The following GOLGB1 variants were observed in gnomAD, a reference collection of about 807,000 sequenced individuals.
GOLGB1 encodes the protein golgin subfamily B member 1.
In GOLGB1, 174 loss-of-function variants were observed where a neutral mutation model predicts 336.9. That is an observed-to-expected ratio of 0.52 (90% confidence interval 0.46 to 0.59). The LOEUF is 0.59. GOLGB1 is among the 20% of genes least tolerant of loss of function. The probability of loss-of-function intolerance (pLI) is 0.00; values close to 1 mark genes in which losing one functional copy is unlikely to be tolerated. For synonymous variants in GOLGB1, 1,208 were observed against 1,289.2 expected (o/e 0.94, Z 1.35); for missense variants, 3,331 against 3,645.3 (o/e 0.91, Z 2.22).
In GOLGB1 at chr3:121,690,998, A is replaced by G; in HGVS notation, c.8366T>C (p.Leu2789Pro). ...CATTGAAAAGGCGGTTTCAGAAAGAAGAGCATCTCTCTCTCTGTTTAAGAG... is the reference window on the plus strand; with the variant it reads ...CATTGAAAAGGCGGTTTCAGAAAGAGGAGCATCTCTCTCTCTGTTTAAGAG... ...QGLLNRERDA[L>P]LSETAFSMNS... is the part of the protein sequence containing the mutation. Residue 2789 changes from leucine (L) to proline (P), a missense_variant, in exon 14 of 22, where the codon CTT (leucine) becomes CCT (proline). Physicochemically the swap from Leu to Pro is moderately conservative, Grantham distance 98 (BLOSUM62 -3). Coordinates refer to ENST00000614479, the MANE Select transcript of GOLGB1 (RefSeq NM_001366282.2). 1 of 1,614,016 alleles carries G rather than the reference A, an allele frequency of 6.2e-7. No homozygotes were observed. The highest frequency in any genetic ancestry group is 8.5e-7 in the Non-Finnish European group (1 of 1,179,926).
chr3:121,686,290 C>T (rs1271095070), intron 14 of GOLGB1, among the ~76,000 whole-genome samples: 4 of 151,934 alleles, frequency 2.6e-5, no homozygotes, highest in African/African-American at 9.7e-5. Context: ...GTTTTCATTC[C>T]CTCTTTCTGA....
chr3:121,694,389 C>G lies in GOLGB1; in HGVS notation c.6134G>C (p.Arg2045Thr). ...AACAAATTCTAGAGCTTTAACAGTT[C>G]TCTCCAGAGCACTAATTTTCTCTTG... ...RYQEKISALE[R>T]TVKALEFVQT... The change falls in exon 13 of 22, where the codon AGA becomes ACA. Residue 2045 changes from arginine to threonine, a missense_variant. Transcript: ENST00000614479. 2 of 1,613,138 alleles carry G rather than the reference C, an allele frequency of 1.2e-6. No individual in the cohort carries two copies. The highest frequency in any genetic ancestry group is 1.7e-6 in the Non-Finnish European group (2 of 1,179,412).
chr3:121,748,355 G>A (rs567026937), intron 1 of GOLGB1, among the ~76,000 whole-genome samples: 1 of 152,250 alleles, frequency 6.6e-6, no homozygotes, highest in African/African-American at 2.4e-5. Flanking sequence ...CACAACATTT[G>A]GGGAGATGCA....
chr3:121,708,859 A>C (rs1404357546), intron 10 of GOLGB1, among the ~76,000 whole-genome samples: 5 of 152,188 alleles, frequency 3.3e-5, no homozygotes, highest in African/African-American at 1.2e-4. Flanking sequence ...AAAATGGTAG[A>C]CCTAAATCCA....
chr3:121,708,280 A>G (rs772309728), intron 10 of GOLGB1, among the ~76,000 whole-genome samples: 1 of 152,136 alleles, frequency 6.6e-6, no homozygotes, highest in Admixed American at 6.5e-5. Flanking sequence ...AGGACATGAA[A>G]AAACTTCTAG....
chr3:121,694,769 C>T lies in GOLGB1; in HGVS notation c.5754G>A (p.Glu1918=). 1 of 1,613,024 alleles carries T rather than the reference C, an allele frequency of 6.2e-7. No homozygotes were observed. The highest frequency in any genetic ancestry group is 2.2e-5 in the East Asian group (1 of 44,866). The change falls in exon 13 of 22, where the codon GAG becomes GAA. Residue 1918 remains glutamate, a synonymous_variant. Coordinates refer to ENST00000614479, the MANE Select transcript of GOLGB1 (RefSeq NM_001366282.2). ...AATCATCTTTCTCTTCTTCTGCTGT[C>T]TCCTTTAGTTTGGTAACTCTGGAGA... ...EELSRVTKLK[E]TAEEEKDDLE...
chr3:121,746,517 T>C (rs919878974), intron 1 of GOLGB1, among the ~76,000 whole-genome samples: 2 of 152,078 alleles, frequency 1.3e-5, no homozygotes, highest in African/African-American at 4.8e-5. Context: ...AGTTTCACTA[T>C]TGTCGCCCAG....
rs764058398 is a variant in GOLGB1 at position 121,693,177 on chromosome 3, T to C, written c.6782+564A>G. On this transcript the variant is annotated intron_variant, in intron 13 of 21. Transcript: ENST00000614479. ...GTGGTAAAAATCCAGGCAAGAGTAG[T>C]TGAAATGGAAATGAAAAGAAATACA... Among the ~76,000 whole-genome samples the C allele has an allele frequency of 8.6e-5, 13 of 151,948 alleles. 1 individual carries two copies. Among genetic ancestry groups the C allele is most frequent in the South Asian group, 4.2e-4 (2 of 4,814 alleles).
chr3:121,686,510 G>GA (rs1174359535), intron 14 of GOLGB1, among the ~76,000 whole-genome samples: 2 of 152,078 alleles, frequency 1.3e-5, no homozygotes, highest in African/African-American at 4.8e-5. Flanking sequence ...TCAGAATGAG[G>GA]AGAGTATAGA....
In GOLGB1 at chr3:121,730,976, G is replaced by A. The variant is rs772570501; in HGVS notation, c.-2-3C>T. 10 of 1,609,400 alleles carry A rather than the reference G, an allele frequency of 6.2e-6. No homozygotes were observed. The highest frequency in any genetic ancestry group is 3.4e-5 in the Admixed American group (2 of 58,894). On this transcript the variant is annotated splice_polypyrimidine_tract_variant and splice_region_variant and intron_variant, in intron 1 of 21. Transcript: ENST00000614479. ...TCCTGATAATCGGCTCAGCATTTCT[G>A]TAGGAAAAGAAGGGGGGAAAAAACC...
chr3:121,723,119 C>T (rs1447799311), intron 5 of GOLGB1, among the ~76,000 whole-genome samples: 4 of 152,104 alleles, frequency 2.6e-5, no homozygotes, highest in Non-Finnish European at 4.4e-5. Context: ...ATCAACTAGC[C>T]ACATGTGGAT....
rs1942517031 is a variant in GOLGB1 at position 121,692,376 on chromosome 3, T to C, written c.6988A>G (p.Ser2330Gly). 3 of 1,609,794 alleles carry C rather than the reference T, an allele frequency of 1.9e-6. No homozygotes were observed. The highest frequency in any genetic ancestry group is 2.5e-6 in the Non-Finnish European group (3 of 1,178,884). Residue 2330 changes from serine to glycine, a missense_variant, in exon 14 of 22, where the codon AGT (serine) becomes GGT (glycine). By Grantham distance (56) the Ser-to-Gly change is moderately conservative (BLOSUM62 0). Transcript: ENST00000614479. ...KSLKDQLTDL[S>G]NSLEKCKEQK... The stretch of plus-strand genomic sequence containing the variant: ...TCCTTACATTTTTCTAAAGAGTTAC[T>C]TAAATCAGTCAACTGGTCTTTGAGA...
chr3:121,677,065 T>A, intron 16 of GOLGB1, 35 bp from the exon 17 acceptor site: 1 of 1,612,994 alleles, frequency 6.2e-7, no homozygotes, highest in South Asian at 1.1e-5. Context: ...GATTCTCTCC[T>A]AAGATTGCGC....
chr3:121,730,172 A>G (rs551080846), intron 2 of GOLGB1, 155 bp from the exon 3 acceptor site: 2 of 552,798 alleles, frequency 3.6e-6, no homozygotes, highest in Admixed American at 6.7e-5. Context: ...TATCATAGCC[A>G]TTACAATATA....
chr3:121,722,022 T>C (rs1184931780), intron 6 of GOLGB1, among the ~76,000 whole-genome samples: 6 of 152,214 alleles, frequency 3.9e-5, no homozygotes, highest in Non-Finnish European at 7.3e-5. Context: ...AATTAGGCTA[T>C]AGAAAATTCA....
intron 1 of GOLGB1, among the ~76,000 whole-genome samples, chr3:121,733,642 G>A (rs1351122845): frequency 7.9e-5 from 12 of 152,082 alleles, no homozygotes; most frequent in Admixed American, 6.6e-4. Flanking sequence ...ATATGAAAAG[G>A]CAAGGAGTGT....
rs1187143011 is a variant in GOLGB1, at chr3:121,688,599, C to T, written c.8694+2071G>A. 4.6e-5 allele frequency among the ~76,000 whole-genome samples: 7 copies of T among 152,172 alleles called. No homozygotes were observed. In the South Asian group the frequency reaches 1.0e-3, roughly 23 times the overall value. On this transcript the variant is annotated intron_variant, in intron 14 of 21. Transcript: ENST00000614479. ...AGTGCCGAGAGTGCAGCCTCTGCCC[C>T]GCCGCCACCCCGTCTGGGAAGTGAG...
intron 5 of GOLGB1, among the ~76,000 whole-genome samples, chr3:121,724,923 T>C (rs1919556): frequency 0.13 from 19,350 of 152,230 alleles, 1,457 homozygotes; most frequent in African/African-American, 0.2. Context: ...ATGGCTCATG[T>C]CACAGCTCAA....
chr3:121,680,421 C>A (rs1485951147), intron 15 of GOLGB1, among the ~76,000 whole-genome samples: 1 of 152,156 alleles, frequency 6.6e-6, no homozygotes, highest in African/African-American at 2.4e-5. Flanking sequence ...GATTTTACAG[C>A]AGCTGTCATA....
Sources: gnomAD v4.1 joint callset for allele counts (sites outside exome capture counted in the v4.1 genomes callset) on GRCh38, gnomAD v4.1.1 for gene constraint, MANE v1.5 for transcripts, NCBI Gene and HGNC (gene_info 2026-07-23, HGNC 2026-07-21) for gene names.